Variants in EVC2 observed in about 807,000 individuals in gnomAD.
EVC2 encodes the protein limbin.
A neutral mutation model predicts 149.3 loss-of-function variants in EVC2; 148 were observed. The observed-to-expected ratio is 0.99, with a 90% CI of 0.87 to 1.14. The LOEUF (loss-of-function observed/expected upper bound fraction) is 1.14, where lower values mean the gene tolerates loss of function less well. Ranked by LOEUF, EVC2 falls within the 50% of genes most tolerant of loss-of-function variation. The pLI, the probability that EVC2 is intolerant of heterozygous loss-of-function variation, is 0.00. For missense variants in EVC2, 1,854 were observed against 1,627.3 expected, an observed-to-expected ratio of 1.14 and a Z score of -2.40; for synonymous variants, 776 against 649.9, an observed-to-expected ratio of 1.19 and a Z score of -2.95.
intron 19 of EVC2, among the ~76,000 whole-genome samples, chr4:5,572,524 A>G (rs2108774948): frequency 6.6e-6 from 1 of 152,240 alleles, no homozygotes; most frequent in Non-Finnish European, 1.5e-5. Context: ...TGCAGCAACA[A>G]TGCACCATCT....
chr4:5,590,532 C>A (rs1276158196), intron 16 of EVC2, among the ~76,000 whole-genome samples: 1 of 152,090 alleles, frequency 6.6e-6, no homozygotes, highest in Non-Finnish European at 1.5e-5. Context: ...AAGACTCCAC[C>A]CCAATATCAA....
At chr4:5,533,781 G>A in the EVC2 span, among the ~76,000 whole-genome samples, 1 of 152,176 alleles carries the variant, frequency 6.6e-6, no homozygotes, top group African/African-American at 2.4e-5. Context: ...GGGTGGACAA[G>A]TCCCAAAAGG....
intron 9 of EVC2, among the ~76,000 whole-genome samples, chr4:5,652,630 T>C (rs1321660184): frequency 6.6e-6 from 1 of 152,046 alleles, no homozygotes; most frequent in African/African-American, 2.4e-5. Context: ...TGCTGGTGGA[T>C]AAAAACCCCA....
Position 5,686,967 on chromosome 4 carries a change from A to G in EVC2, c.707-1488T>C, listed in dbSNP as rs1292670516. On this transcript the variant is annotated intron_variant, in intron 5 of 21. Transcript: ENST00000344408. The surrounding 1 kb of genome is among the most constrained non-coding windows in gnomAD (Gnocchi z 5.4). ...TGGAGCAGTAAGAATAAAAATAACA[A>G]CAACAGTGGCCGGGCATGGTGGCTC... Among the ~76,000 whole-genome samples, 1 of 152,188 alleles carries G rather than the reference A, an allele frequency of 6.6e-6. No individual in the cohort carries two copies. The highest frequency in any genetic ancestry group is 1.5e-5 in the Non-Finnish European group (1 of 68,030).
rs1329332672 is a variant in EVC2 at position 5,686,778 on chromosome 4, T to G, written c.707-1299A>C. 1.3e-5 allele frequency among the ~76,000 whole-genome samples: 2 copies of G among 151,728 alleles called. No homozygotes were observed. Among genetic ancestry groups the G allele is most frequent in the African/African-American group, 4.8e-5 (2 of 41,260 alleles). On this transcript the variant is annotated intron_variant, in intron 5 of 21. Coordinates refer to ENST00000344408, the MANE Select transcript of EVC2 (RefSeq NM_147127.5). This position sits in a 1 kb window ranked among gnomAD's most constrained non-coding sequence, Gnocchi z 5.4. ...ATTTGATTTTATAGTTATCTACTTA[T>G]GCTTTGGGGAAAAAAAAAAAAAGTC...
Position 5,636,286 on chromosome 4 carries a change from C to T in EVC2, c.1470+4228G>A, listed in dbSNP as rs1045999758. On this transcript the variant is annotated intron_variant, in intron 10 of 21. Coordinates refer to ENST00000344408, the MANE Select transcript of EVC2 (RefSeq NM_147127.5). This position sits in a 1 kb window ranked among gnomAD's most constrained non-coding sequence, Gnocchi z 4.6. ...GAGAAATGCTTTGAGAACTATAAGG[C>T]ATTATATACGCATTTAAATATTATA... Among the ~76,000 whole-genome samples, 1 of 152,160 alleles carries T rather than the reference C, an allele frequency of 6.6e-6. No individual in the cohort carries two copies. The highest frequency in any genetic ancestry group is 1.5e-5 in the Non-Finnish European group (1 of 68,034).
Position 5,681,154 on chromosome 4 carries a change from G to C in EVC2, c.870+106C>G. 4 of 1,302,566 alleles carry C rather than the reference G, an allele frequency of 3.1e-6. No homozygotes were observed. The South Asian group carries it at 4.7e-5, about 15-fold the overall frequency. The allele number at this position is 1,302,566 out of a possible 1,614,324, so 80.7% of individuals were successfully genotyped here. On this transcript the variant is annotated intron_variant, in intron 7 of 21. Transcript: ENST00000344408. ...AGTCCCAGTCTCAACGCATAACTGG[G>C]GGACCAAGGCCAGCAGCTGGCCGCT...
chr4:5,706,313 G>GATAC (rs1245036318), intron 1 of EVC2, among the ~76,000 whole-genome samples: 4 of 64,262 alleles, frequency 6.2e-5, no homozygotes, highest in African/African-American at 2.0e-4. Context: ...TACATAGATA[G>GATAC]ATAGATACAT....
chr4:5,683,787 G>C (rs1320403999), intron 6 of EVC2, among the ~76,000 whole-genome samples: 1 of 104,984 alleles, frequency 9.5e-6, no homozygotes, highest in African/African-American at 3.4e-5. Flanking sequence ...AACACACACA[G>C]CTGGCCAGGA....
intron 9 of EVC2, among the ~76,000 whole-genome samples, chr4:5,656,105 C>G (rs564906312): frequency 6.6e-6 from 1 of 152,266 alleles, no homozygotes; most frequent in South Asian, 2.1e-4. Context: ...TCTTGCATGA[C>G]CTAAGAATCT....
At chr4:5,564,332 C>A (rs1031043711) in intron 21 of EVC2, among the ~76,000 whole-genome samples, 1 of 152,196 alleles carries the variant, frequency 6.6e-6, no homozygotes, top group African/African-American at 2.4e-5. Flanking sequence ...AGGAATGTTC[C>A]TAATGGAATA....
intron 16 of EVC2, among the ~76,000 whole-genome samples, chr4:5,595,152 T>G (rs1577133722): frequency 6.6e-6 from 1 of 152,112 alleles, no homozygotes; most frequent in African/African-American, 2.4e-5. Context: ...CTGAAGGATA[T>G]TATCCAGGAG....
At chr4:5,585,256 C>G (rs909613256) in intron 16 of EVC2, among the ~76,000 whole-genome samples, 7 of 152,174 alleles carry the variant, frequency 4.6e-5, no homozygotes, top group Non-Finnish European at 8.8e-5. Context: ...CTACCCCACT[C>G]ACACATGCAC....
At chr4:5,561,165 G>A (rs574268511), downstream of EVC2, among the ~76,000 whole-genome samples, 4 of 152,300 alleles carry the variant, frequency 2.6e-5, no homozygotes, top group East Asian at 5.8e-4. Context: ...GTAGAAGCAG[G>A]AAATTATCAG....
At chr4:5,708,634 G>T (rs1022113378), upstream of EVC2, 1 of 672,128 alleles carries the variant, frequency 1.5e-6, no homozygotes, top group Non-Finnish European at 2.2e-6. Flanking sequence ...AAGTTTTCTG[G>T]AACAAACACC....
intron 9 of EVC2, among the ~76,000 whole-genome samples, chr4:5,661,797 T>A (rs1277592433): frequency 6.6e-6 from 1 of 152,136 alleles, no homozygotes; most frequent in African/African-American, 2.4e-5. Context: ...ATGACCTGAG[T>A]TTAAAACCTG....
intron 5 of EVC2, among the ~76,000 whole-genome samples, chr4:5,687,061 A>G (rs930098040): frequency 6.6e-6 from 1 of 152,000 alleles, no homozygotes; most frequent in East Asian, 1.9e-4. Flanking sequence ...GTTCGTGACC[A>G]GCCTGGGCAA....
chr4:5,612,046 T>C (rs1403809606), intron 16 of EVC2, among the ~76,000 whole-genome samples: 1 of 152,204 alleles, frequency 6.6e-6, no homozygotes, highest in African/African-American at 2.4e-5. Flanking sequence ...GCTATCACAT[T>C]TGCCAAGACG....
chr4:5,615,348 T>G (rs974688833), intron 16 of EVC2, 74 bp downstream of exon 16: 3 of 1,608,108 alleles, frequency 1.9e-6, no homozygotes, highest in Non-Finnish European at 2.5e-6. Context: ...TCTGTGTGCC[T>G]GCAAATGTGT....
Sources: gnomAD v4.1 joint callset for allele counts (sites outside exome capture counted in the v4.1 genomes callset) on GRCh38, gnomAD v4.1.1 for gene constraint, Gnocchi (gnomAD v3.1) non-coding constraint, MANE v1.5 for transcripts, NCBI Gene and HGNC (gene_info 2026-07-23, HGNC 2026-07-21) for gene names.